The following ATAD2B variants were observed in gnomAD, a reference collection of about 807,000 sequenced individuals.
ATAD2B encodes ATPase family AAA domain containing 2B.
In ATAD2B, 40 loss-of-function variants were observed where a neutral mutation model predicts 167.6. The ratio of observed to expected loss-of-function variants is 0.24; its 90% confidence interval spans 0.19 to 0.31. ATAD2B has a LOEUF of 0.31. Ranked by LOEUF, ATAD2B falls within the 10% of genes least tolerant of loss-of-function variation. The pLI is 1.00. For missense variants in ATAD2B, 1,242 were observed against 1,757.2 expected (o/e 0.71, Z 5.24); for synonymous variants, 579 against 596.5 (o/e 0.97, Z 0.43).
At chr2:23,879,690 A>C (rs981906266) in intron 7 of ATAD2B, among the ~76,000 whole-genome samples, 1 of 152,178 alleles carries the variant, frequency 6.6e-6, no homozygotes, top group Non-Finnish European at 1.5e-5. Flanking sequence ...CAACTAAGTT[A>C]TTGGCCAAGC....
At chr2:23,714,544 A>G in the ATAD2B span, among the ~76,000 whole-genome samples, 1 of 150,704 alleles carries the variant, frequency 6.6e-6, no homozygotes, top group African/African-American at 2.4e-5. Context: ...CTGGCCCTCA[A>G]AATATTTCTT....
At chr2:23,854,425 C>T (rs1693032885) in intron 13 of ATAD2B, among the ~76,000 whole-genome samples, 1 of 151,676 alleles carries the variant, frequency 6.6e-6, no homozygotes, top group Admixed American at 6.6e-5. Flanking sequence ...TGCCTGTAAG[C>T]CCAACACTTT....
chr2:23,866,521 G>A (rs1271881034), intron 10 of ATAD2B, among the ~76,000 whole-genome samples: 1 of 151,848 alleles, frequency 6.6e-6, no homozygotes, highest in African/African-American at 2.4e-5. Context: ...TAAAAATGAA[G>A]AAAAAAATTT....
At chr2:23,729,244 T>C in the ATAD2B span, among the ~76,000 whole-genome samples, 1 of 152,224 alleles carries the variant, frequency 6.6e-6, no homozygotes, top group Non-Finnish European at 1.5e-5. Flanking sequence ...GGGAGGCTAT[T>C]GTTTTGGACT....
chr2:23,894,297 C>T (rs1266288135), intron 2 of ATAD2B, among the ~76,000 whole-genome samples: 1 of 151,886 alleles, frequency 6.6e-6, no homozygotes, highest in African/African-American at 2.4e-5. Context: ...GCCTGACCAA[C>T]ATGGAGAAAC....
chr2:23,827,103 C>T (rs184557124), intron 15 of ATAD2B, among the ~76,000 whole-genome samples: 150 of 151,730 alleles, frequency 9.9e-4, no homozygotes, highest in African/African-American at 3.4e-3. Context: ...TAATGTGAAC[C>T]GGTTTCTCAG....
At chr2:23,867,198 T>G (rs1695263843) in intron 10 of ATAD2B, among the ~76,000 whole-genome samples, 1 of 152,170 alleles carries the variant, frequency 6.6e-6, no homozygotes, top group African/African-American at 2.4e-5. Context: ...CTCAAACATT[T>G]ATTCCTCTTC....
intron 13 of ATAD2B, among the ~76,000 whole-genome samples, chr2:23,851,167 C>T (rs1400405079): frequency 2.0e-5 from 3 of 152,162 alleles, no homozygotes; most frequent in Admixed American, 2.0e-4. Flanking sequence ...TTTTCTGAGA[C>T]AGGGCCTCAC....
At position 23,889,686 on chromosome 2, in the gene ATAD2B, G is replaced by A. The variant is rs966609147; in HGVS notation, c.369-1287C>T. Among the ~76,000 whole-genome samples, 19 of 151,934 alleles carry A rather than the reference G, an allele frequency of 1.3e-4. No individual in the cohort carries two copies. The South Asian group carries it at 1.9e-3, about 15-fold the overall frequency. ...TATAATCCCAGCACTTTGAGAGGCC[G>A]AGGCAGGTGGATCACCTGAGGTCAG... On this transcript the variant is annotated intron_variant, in intron 2 of 27. Coordinates refer to ENST00000238789, the MANE Select transcript of ATAD2B (RefSeq NM_017552.4).
the ATAD2B span, among the ~76,000 whole-genome samples, chr2:23,692,126 C>G: frequency 6.6e-6 from 1 of 152,204 alleles, no homozygotes; most frequent in Admixed American, 6.5e-5. Context: ...ATACTGTGCC[C>G]CGCCAGGCCT....
chr2:23,700,777 C>G, the ATAD2B span, among the ~76,000 whole-genome samples: 118 of 152,336 alleles, frequency 7.7e-4, 1 homozygote, highest in African/African-American at 2.8e-3. The surrounding 1 kb of genome is among the most constrained non-coding windows in gnomAD (Gnocchi z 4.6). Context: ...GTGCCCTTGA[C>G]TACAGAGCAG....
intron 1 of ATAD2B, among the ~76,000 whole-genome samples, chr2:23,902,742 C>T (rs1246986949): frequency 2.0e-5 from 3 of 151,990 alleles, no homozygotes; most frequent in East Asian, 1.9e-4. Context: ...GTACATAAGA[C>T]GTGGAAGGCA....
intron 25 of ATAD2B, among the ~76,000 whole-genome samples, chr2:23,755,728 AAT>A (rs1259490048): frequency 6.6e-6 from 1 of 152,166 alleles, no homozygotes; most frequent in Non-Finnish European, 1.5e-5. Context: ...CCTCCTTCTC[AAT>A]GCCTGCTTTA....
intron 4 of ATAD2B, 41 bp downstream of exon 4, chr2:23,887,791 C>A (rs953910536): frequency 2.0e-6 from 3 of 1,480,094 alleles, no homozygotes; most frequent in South Asian, 1.4e-5. Context: ...TCTTAAAAAC[C>A]AAATAATTAA....
intron 13 of ATAD2B, among the ~76,000 whole-genome samples, chr2:23,848,823 T>C (rs1441300967): frequency 1.3e-5 from 2 of 152,182 alleles, no homozygotes; most frequent in Non-Finnish European, 2.9e-5. Context: ...ACTAAATGTA[T>C]AAGTGTCCAT....
chr2:23,791,079 T>C (rs572258076), intron 19 of ATAD2B, among the ~76,000 whole-genome samples: 1 of 152,362 alleles, frequency 6.6e-6, no homozygotes. Context: ...GCCTGGCTTC[T>C]GTCACTTAAA....
chr2:23,892,416 G>A (rs968397901), intron 2 of ATAD2B, among the ~76,000 whole-genome samples: 12 of 151,520 alleles, frequency 7.9e-5, no homozygotes, highest in Non-Finnish European at 1.2e-4. Flanking sequence ...CGCCCGCCTC[G>A]GCCTCCCAAA....
chr2:23,685,043 C>A, the ATAD2B span, among the ~76,000 whole-genome samples: 5 of 152,170 alleles, frequency 3.3e-5, no homozygotes, highest in Non-Finnish European at 5.9e-5. Context: ...TTTCCCCAGC[C>A]CAAGTAGGGG....
downstream of ATAD2B, among the ~76,000 whole-genome samples, chr2:23,747,154 G>A (rs749991877): frequency 3.8e-4 from 57 of 151,916 alleles, no homozygotes; most frequent in Non-Finnish European, 6.8e-4. Flanking sequence ...AATTCCTATA[G>A]GGAATACAGA....
Sources: allele counts gnomAD v4.1 joint callset (sites outside exome capture counted in the v4.1 genomes callset), GRCh38; gene constraint gnomAD v4.1.1; non-coding constraint Gnocchi (gnomAD v3.1); transcripts MANE v1.5; gene names NCBI Gene and HGNC (gene_info 2026-07-23, HGNC 2026-07-21).